KCNAB1: variants seen among roughly 807,000 people sequenced by gnomAD.
KCNAB1 encodes potassium voltage-gated channel subfamily A regulatory beta subunit 1, also known as voltage-gated potassium channel subunit beta-1.
A neutral mutation model predicts 64.6 loss-of-function variants in KCNAB1; 35 were observed. The observed-to-expected ratio is 0.54, with a 90% CI of 0.41 to 0.72. The LOEUF (loss-of-function observed/expected upper bound fraction) is 0.72. Ranked by LOEUF, KCNAB1 falls within the 30% of genes least tolerant of loss-of-function variation. The pLI is 0.00. For missense variants in KCNAB1, 401 were observed against 512.9 expected, an observed-to-expected ratio of 0.78 and a Z score of 2.11; for synonymous variants, 177 against 183.8, an observed-to-expected ratio of 0.96 and a Z score of 0.30.
chr3:156,302,448 A>G (rs967874806), intron 1 of KCNAB1, among the ~76,000 whole-genome samples: 1 of 152,198 alleles, frequency 6.6e-6, no homozygotes, highest in Non-Finnish European at 1.5e-5. Flanking sequence ...TAAAGTATCA[A>G]GCATCATATC....
At chr3:156,463,258 C>T (rs1000875987) in intron 5 of KCNAB1, among the ~76,000 whole-genome samples, 2 of 152,060 alleles carry the variant, frequency 1.3e-5, no homozygotes, top group African/African-American at 2.4e-5. Context: ...ATGCAATCAG[C>T]GTGAGGCCAG....
intron 11 of KCNAB1, among the ~76,000 whole-genome samples, chr3:156,523,548 A>G (rs942685424): frequency 1.3e-5 from 2 of 152,164 alleles, no homozygotes; most frequent in African/African-American, 4.8e-5. Flanking sequence ...GCTAGGATTT[A>G]AGTGCTTGTA....
intron 3 of KCNAB1, among the ~76,000 whole-genome samples, chr3:156,455,791 C>A (rs1712369078): frequency 6.6e-6 from 1 of 152,148 alleles, no homozygotes; most frequent in Non-Finnish European, 1.5e-5. Context: ...AAGGCAGCTG[C>A]CGGAAACCTA....
At chr3:156,315,768 T>C (rs1722233684) in intron 1 of KCNAB1, among the ~76,000 whole-genome samples, 1 of 152,230 alleles carries the variant, frequency 6.6e-6, no homozygotes, top group Non-Finnish European at 1.5e-5. Flanking sequence ...AAGTTATAGA[T>C]ATGTCTTGTT....
chr3:156,197,426 C>G (rs989147700), intron 1 of KCNAB1, among the ~76,000 whole-genome samples: 4 of 152,134 alleles, frequency 2.6e-5, no homozygotes, highest in Non-Finnish European at 4.4e-5. Flanking sequence ...GGCTGTGAAT[C>G]CATCTGGTCC....
chr3:156,162,245 A>T (rs1266556903), intron 1 of KCNAB1, among the ~76,000 whole-genome samples: 1 of 120,202 alleles, frequency 8.3e-6, no homozygotes, highest in Admixed American at 1.1e-4. Flanking sequence ...GGACATATTT[A>T]TACTGGATTT....
At chr3:156,429,793 G>T (rs1716080867) in intron 2 of KCNAB1, among the ~76,000 whole-genome samples, 1 of 152,140 alleles carries the variant, frequency 6.6e-6, no homozygotes, top group Non-Finnish European at 1.5e-5. Flanking sequence ...CACTTGAGAG[G>T]TAGTTTTAAA....
intron 8 of KCNAB1, among the ~76,000 whole-genome samples, chr3:156,500,577 A>G (rs1380811967): frequency 6.6e-6 from 1 of 152,194 alleles, no homozygotes; most frequent in Non-Finnish European, 1.5e-5. Flanking sequence ...TTTATATATT[A>G]TAGTTAAATG....
chr3:156,491,155 G>C (rs535121703), intron 8 of KCNAB1, among the ~76,000 whole-genome samples: 2 of 152,174 alleles, frequency 1.3e-5, no homozygotes, highest in African/African-American at 4.8e-5. Context: ...TGGAAAATAT[G>C]TTCCACCAAC....
intron 1 of KCNAB1, chr3:156,215,673 C>G (rs1327833881): frequency 2.0e-5 from 3 of 152,256 alleles, no homozygotes; most frequent in South Asian, 2.1e-4. Context: ...GACTGAAGAC[C>G]CTGAGGTGAG....
chr3:156,335,460 T>C (rs1723626641), intron 1 of KCNAB1, among the ~76,000 whole-genome samples: 1 of 152,242 alleles, frequency 6.6e-6, no homozygotes, highest in South Asian at 2.1e-4. Flanking sequence ...TACACACGTG[T>C]CTGGTCTTCC....
At chr3:156,281,085 G>C (rs1210534320) in intron 1 of KCNAB1, among the ~76,000 whole-genome samples, 3 of 151,506 alleles carry the variant, frequency 2.0e-5, no homozygotes, top group Non-Finnish European at 4.4e-5. Flanking sequence ...CATTCAGTAT[G>C]ATATTGGCTG....
At chr3:156,216,009 C>T (rs753805770) in intron 1 of KCNAB1, among the ~76,000 whole-genome samples, 1 of 152,206 alleles carries the variant, frequency 6.6e-6, no homozygotes, top group Non-Finnish European at 1.5e-5. Flanking sequence ...TTCAACATAA[C>T]ACAGTTCAAG....
At position 156,120,788 on chromosome 3, in the gene KCNAB1, A is replaced by G. The variant is rs955149217; in HGVS notation, c.177A>G (p.Gln59=). ...GGGAAAGCCAGCTCAGGGCGCGTCA[A>G]CTGGCTCTGCTGCGCGAAGTGGAGA... ...PSGESQLRAR[Q]LALLREVEMN... is the part of the protein sequence containing the mutation. Residue 59 remains glutamine, a synonymous_variant, in exon 1 of 14, where the codon CAA becomes CAG. Transcript: ENST00000490337. 12 of 1,614,144 alleles carry G rather than the reference A, an allele frequency of 7.4e-6. No homozygotes were observed. The highest frequency in any genetic ancestry group is 2.7e-5 in the African/African-American group (2 of 74,954).
intron 1 of KCNAB1, among the ~76,000 whole-genome samples, chr3:156,141,705 A>G (rs1217125581): frequency 6.6e-6 from 1 of 152,230 alleles, no homozygotes; most frequent in Non-Finnish European, 1.5e-5. Context: ...TTTGGCTATT[A>G]TGAATAAAGA....
chr3:156,483,211 G>A (rs1010107276), intron 8 of KCNAB1, among the ~76,000 whole-genome samples: 1 of 151,992 alleles, frequency 6.6e-6, no homozygotes, highest in Non-Finnish European at 1.5e-5. Context: ...AGATGCCCGG[G>A]TCAGTAGTAT....
intron 1 of KCNAB1, among the ~76,000 whole-genome samples, chr3:156,380,398 T>C (rs929984250): frequency 2.0e-5 from 3 of 152,260 alleles, no homozygotes; most frequent in African/African-American, 7.2e-5. Context: ...TGAGCATTTA[T>C]TTCGGAAGTC....
At chr3:156,224,412 C>A (rs1439543508) in intron 1 of KCNAB1, among the ~76,000 whole-genome samples, 2 of 152,268 alleles carry the variant, frequency 1.3e-5, no homozygotes, top group Non-Finnish European at 2.9e-5. Context: ...CAAGCACGGC[C>A]AGAGTGGGCG....
chr3:156,309,866 A>T (rs1386265273), intron 1 of KCNAB1, among the ~76,000 whole-genome samples: 2 of 152,230 alleles, frequency 1.3e-5, no homozygotes, highest in African/African-American at 4.8e-5. Context: ...TAGTTCTAGA[A>T]TTCTAGAATT....
Sources: allele counts gnomAD v4.1 joint callset (sites outside exome capture counted in the v4.1 genomes callset), GRCh38; gene constraint gnomAD v4.1.1; transcripts MANE v1.5; gene names NCBI Gene and HGNC (gene_info 2026-07-23, HGNC 2026-07-21).